FLNC: variants seen among roughly 807,000 people sequenced by gnomAD.
The protein encoded by FLNC is filamin C, also known as filamin-C.
FLNC carries 91 observed loss-of-function variants against 254.3 expected under a neutral mutation model. The ratio of observed to expected loss-of-function variants is 0.36; its 90% CI spans 0.30 to 0.43. The LOEUF (loss-of-function observed/expected upper bound fraction) is 0.43. Ranked by LOEUF, FLNC falls within the 20% of genes least tolerant of loss-of-function variation. The probability of loss-of-function intolerance (pLI) is 1.00; values close to 1 mark genes in which losing one functional copy is unlikely to be tolerated. For synonymous variants in FLNC, 1,430 were observed against 1,577.2 expected, an observed-to-expected ratio of 0.91 and a Z score of 2.21; for missense variants, 2,853 against 3,802.6, an observed-to-expected ratio of 0.75 and a Z score of 6.57.
chr7:128,831,665 G>C (rs1014636210), intron 1 of FLNC, among the ~76,000 whole-genome samples: 1 of 152,218 alleles, frequency 6.6e-6, no homozygotes, highest in African/African-American at 2.4e-5. Flanking sequence ...GGGGGCTTCC[G>C]CAAGTCCAGG....
rs780008755 is a variant in FLNC at position 128,856,957 on chromosome 7, G to C, written c.7561+36G>C. On this transcript the variant is annotated intron_variant, in intron 45 of 47. Coordinates refer to ENST00000325888, the MANE Select transcript of FLNC (RefSeq NM_001458.5). The surrounding 1 kb of genome is among the most constrained non-coding windows in gnomAD (Gnocchi z 5.9). ...GGAGCTGGGGAACAGGGTGACTTCT[G>C]GGGGTGCTTGGCCACTAGTCTGGTG... is the stretch of plus-strand genomic sequence containing the variant. 5 of 1,608,666 alleles carry C rather than the reference G, an allele frequency of 3.1e-6. No homozygotes were observed. In the African/African-American group the frequency reaches 5.3e-5, roughly 17 times the overall value.
At position 128,844,143 on chromosome 7, in the gene FLNC, C is replaced by G. The variant is rs1022641897; in HGVS notation, c.3069C>G (p.Ala1023=). The G allele has an allele frequency of 6.8e-6, 11 of 1,613,828 alleles. No homozygotes were observed. Among genetic ancestry groups the G allele is most frequent in the Non-Finnish European group, 9.3e-6 (11 of 1,180,044 alleles). Residue 1023 remains alanine, a synonymous_variant, in exon 20 of 48, where the codon GCC becomes GCG. Transcript: ENST00000325888. Reference sequence around the variant, plus strand: ...TGGAGCCAGGCGGTGGAGCGGAAGCCCAGGCTGTGCGCTACATGCCCCCGG... The same window carrying G: ...TGGAGCCAGGCGGTGGAGCGGAAGCGCAGGCTGTGCGCTACATGCCCCCGG... The part of the protein sequence containing the change: ...CKLEPGGGAE[A]QAVRYMPPEE...
Position 128,850,853 on chromosome 7 carries a change from A to T in FLNC, c.5449A>T (p.Asn1817Tyr), listed in dbSNP as rs373146637. The T allele has an allele frequency of 9.9e-6, 16 of 1,613,476 alleles. No homozygotes were observed. The highest frequency in any genetic ancestry group is 1.4e-5 in the Non-Finnish European group (16 of 1,179,966). The change falls in exon 33 of 48, where the codon AAC becomes TAC. Residue 1817 changes from asparagine to tyrosine, a missense_variant. Transcript: ENST00000325888. ...GKTARPNITD[N>Y]KDGTITVRYA... ...GACGGCACGGCCCAACATCACCGAC[A>T]ACAAGGACGGCACCATCACGGTGAG...
At chr7:128,840,420 A>C in intron 9 of FLNC, 128 bp from the exon 10 acceptor site, 2 of 1,259,114 alleles carry the variant, frequency 1.6e-6, no homozygotes, top group Admixed American at 1.9e-5. Flanking sequence ...CCTGAGTTGC[A>C]GCACTGCTCA....
At position 128,842,325 on chromosome 7, in the gene FLNC, C is replaced by A. The variant is rs749380628; in HGVS notation, c.2216C>A (p.Thr739Asn). ...GTGCCCACCAAGCCCATTAAGCACA[C>A]CATCATCATCTCCTGGGGAGGCGTA... ...SYVPTKPIKH[T>N]IIISWGGVNV... The change falls in exon 14 of 48, where the codon ACC becomes AAC. Residue 739 changes from threonine to asparagine, a missense_variant. Around this residue, in one of 10 missense-constraint regions of FLNC, gnomAD observed 1,573 missense variants for 1,883.5 expected, o/e 0.84. Coordinates refer to ENST00000325888, the MANE Select transcript of FLNC (RefSeq NM_001458.5). This position sits in a 1 kb window ranked among gnomAD's most constrained non-coding sequence, Gnocchi z 5.4. 6.2e-7 allele frequency: 1 copy of A among 1,613,862 alleles called. No homozygotes were observed. Among genetic ancestry groups the A allele is most frequent in the South Asian group, 1.1e-5 (1 of 91,088 alleles).
intron 10 of FLNC, 55 bp downstream of exon 10, chr7:128,840,729 G>A (rs578107490): frequency 3.7e-5 from 59 of 1,610,058 alleles, no homozygotes; most frequent in East Asian, 3.1e-4. Flanking sequence ...AGGGAGGGAC[G>A]AGGGGCACTG....
In FLNC at chr7:128,858,534, T is replaced by C. The variant is rs763569510; in HGVS notation, c.*11T>C. ...GTCAAGGTCCCTTGAATCCCAAAAG[T>C]GCCTCCCCAGCCTCAGCCCCCACCT... On this transcript the variant is annotated 3_prime_UTR_variant, in exon 48 of 48. Coordinates refer to ENST00000325888, the MANE Select transcript of FLNC (RefSeq NM_001458.5). This position sits in a 1 kb window ranked among gnomAD's most constrained non-coding sequence, Gnocchi z 6.7. 9.3e-6 allele frequency: 15 copies of C among 1,608,570 alleles called. No homozygotes were observed. The highest frequency in any genetic ancestry group is 1.3e-5 in the Non-Finnish European group (15 of 1,176,790).
At chr7:128,851,111 C>A in intron 33 of FLNC, 121 bp from the exon 34 acceptor site, 1 of 1,556,870 alleles carries the variant, frequency 6.4e-7, no homozygotes, top group Non-Finnish European at 8.8e-7. Flanking sequence ...CCTCCACCAG[C>A]TGGGTCCCTA....
intron 1 of FLNC, among the ~76,000 whole-genome samples, chr7:128,832,949 C>G (rs1167308802): frequency 1.3e-5 from 2 of 152,176 alleles, no homozygotes; most frequent in Non-Finnish European, 2.9e-5. Flanking sequence ...CATGGGGCCA[C>G]CTTCTGAGTA....
chr7:128,831,371 C>T (rs1469298998), intron 1 of FLNC, among the ~76,000 whole-genome samples: 1 of 152,226 alleles, frequency 6.6e-6, no homozygotes, highest in Non-Finnish European at 1.5e-5. Context: ...TTCCTGGGGG[C>T]ATCTCCCCGC....
intron 37 of FLNC, chr7:128,853,232 A>C (rs1808899811): frequency 1.4e-6 from 1 of 713,756 alleles, no homozygotes; most frequent in Non-Finnish European, 2.4e-6. Flanking sequence ...GAGAAAGCTC[A>C]GCTGTCCTGA....
intron 1 of FLNC, among the ~76,000 whole-genome samples, chr7:128,833,185 T>A (rs968600128): frequency 6.6e-6 from 1 of 152,138 alleles, no homozygotes; most frequent in East Asian, 1.9e-4. Flanking sequence ...AAGAGGCCTA[T>A]GAGGCAGCTC....
Position 128,845,121 on chromosome 7 carries a change from C to A in FLNC, c.3656C>A (p.Ala1219Asp). 6.2e-7 allele frequency: 1 copy of A among 1,613,956 alleles called. No homozygotes were observed. Among genetic ancestry groups the A allele is most frequent in the Non-Finnish European group, 8.5e-7 (1 of 1,180,040 alleles). Reference protein sequence around the residue: ...DGTYHITYSPAFPGTYTITIK... With the variant: ...DGTYHITYSPDFPGTYTITIK... ...ACCTACCACATCACCTACAGCCCTGCCTTCCCTGGCACCTACACCATTACC... is the reference window on the plus strand; with the variant it reads ...ACCTACCACATCACCTACAGCCCTGACTTCCCTGGCACCTACACCATTACC... The change falls in exon 21 of 48, where the codon GCC (alanine) becomes GAC (aspartate). Residue 1219 changes from alanine (A) to aspartate (D), a missense_variant. Around this residue, in one of 10 missense-constraint regions of FLNC, gnomAD observed 1,573 missense variants for 1,883.5 expected, o/e 0.84. Transcript: ENST00000325888.
rs368812043 is a variant in FLNC at position 128,830,701 on chromosome 7, C to T, written c.64C>T (p.Pro22Ser). Residue 22 changes from proline (P) to serine (S), a missense_variant, in exon 1 of 48, where the codon CCG becomes TCG. Pro to Ser is a moderately conservative substitution (Grantham distance 74). Around this residue, in one of 10 missense-constraint regions of FLNC, gnomAD observed 37 missense variants for 32.7 expected, o/e 1.13. Transcript: ENST00000325888. ...CCTGGGCGATGAGACAGACGAGATGCCGTCCACGGAGAAGGACCTGGCGGA... is the reference window on the plus strand; with the variant it reads ...CCTGGGCGATGAGACAGACGAGATGTCGTCCACGGAGAAGGACCTGGCGGA... ...LGLGDETDEM[P>S]STEKDLAEDA... 7.4e-6 allele frequency: 12 copies of T among 1,612,808 alleles called. No individual in the cohort carries two copies. In the African/African-American group the frequency reaches 1.5e-4, roughly 20 times the overall value.
Position 128,858,533 on chromosome 7 carries a change from G to A in FLNC, c.*10G>A. 6 of 1,609,190 alleles carry A rather than the reference G, an allele frequency of 3.7e-6. No individual in the cohort carries two copies. Among genetic ancestry groups the A allele is most frequent in the Non-Finnish European group, 5.1e-6 (6 of 1,177,108 alleles). On this transcript the variant is annotated 3_prime_UTR_variant, in exon 48 of 48. Transcript: ENST00000325888. This position sits in a 1 kb window ranked among gnomAD's most constrained non-coding sequence, Gnocchi z 6.7. ...AGTCAAGGTCCCTTGAATCCCAAAA[G>A]TGCCTCCCCAGCCTCAGCCCCCACC...
chr7:128,840,843 G>A lies in FLNC; in HGVS notation c.1686G>A (p.Glu562=), dbSNP rs768888807. 6.2e-7 allele frequency: 1 copy of A among 1,614,120 alleles called. No homozygotes were observed. The highest frequency in any genetic ancestry group is 8.5e-7 in the Non-Finnish European group (1 of 1,180,004). The change falls in exon 11 of 48, where the codon GAG becomes GAA. Residue 562 remains glutamate (E), a synonymous_variant. Coordinates refer to ENST00000325888, the MANE Select transcript of FLNC (RefSeq NM_001458.5). The part of the protein sequence containing the change: ...GGYAIPRSPF[E]VQVSPEAGVQ... ...CTCCCTCTCTGCCCAGCCCCTTTGA[G>A]GTACAGGTGAGCCCAGAGGCAGGAG...
chr7:128,849,154 T>A (rs1185814000), intron 28 of FLNC, 27 bp from the exon 29 acceptor site: 1 of 1,581,654 alleles, frequency 6.3e-7, no homozygotes, highest in African/African-American at 1.4e-5. Flanking sequence ...GAGCACCGCC[T>A]GGCCTCACAC....
At chr7:128,851,062 C>T (rs1457975478) in intron 33 of FLNC, 119 bp downstream of exon 33, 13 of 1,518,236 alleles carry the variant, frequency 8.6e-6, no homozygotes, top group African/African-American at 4.1e-5. Flanking sequence ...AGACACCAGG[C>T]GAGGCCCCAG....
At position 128,836,341 on chromosome 7, in the gene FLNC, G is replaced by A. The variant is rs1808092044; in HGVS notation, c.601+767G>A. Among the ~76,000 whole-genome samples the A allele has an allele frequency of 6.6e-6, 1 of 152,190 alleles. No homozygotes were observed. The highest frequency in any genetic ancestry group is 6.5e-5 in the Admixed American group (1 of 15,288). ...CGGGGAGCAGAGGGTGGGAGGCGGG[G>A]GCACAGCCTCCTGGGAAGCATTCCC... On this transcript the variant is annotated intron_variant, in intron 2 of 47. Coordinates refer to ENST00000325888, the MANE Select transcript of FLNC (RefSeq NM_001458.5). This position sits in a 1 kb window ranked among gnomAD's most constrained non-coding sequence, Gnocchi z 6.0.
Sources: allele counts gnomAD v4.1 joint callset (sites outside exome capture counted in the v4.1 genomes callset), GRCh38; gene constraint gnomAD v4.1.1; regional missense constraint gnomAD v4.1.1; non-coding constraint Gnocchi (gnomAD v3.1); transcripts MANE v1.5; gene names NCBI Gene and HGNC (gene_info 2026-07-23, HGNC 2026-07-21).